TBC1D14: variants seen among roughly 807,000 people sequenced by gnomAD.
The protein encoded by TBC1D14 is TBC1 domain family member 14, also known as TBC1 domain family, member 14.
Under a neutral mutation model 79.0 loss-of-function variants are expected in TBC1D14, and 26 were observed. The ratio of observed to expected loss-of-function variants is 0.33; its 90% CI spans 0.24 to 0.46. The LOEUF is 0.46. Ranked by LOEUF, TBC1D14 falls within the 20% of genes least tolerant of loss-of-function variation. The probability of loss-of-function intolerance (pLI) is 1.00; values close to 1 mark genes in which losing one functional copy is unlikely to be tolerated. For synonymous variants in TBC1D14, 394 were observed against 349.9 expected, an observed-to-expected ratio of 1.13 and a Z score of -1.40; for missense variants, 769 against 887.6, an observed-to-expected ratio of 0.87 and a Z score of 1.70.
chr4:6,980,264 C>G (rs1189130986), intron 3 of TBC1D14, among the ~76,000 whole-genome samples: 1 of 152,310 alleles, frequency 6.6e-6, no homozygotes, highest in East Asian at 1.9e-4. Flanking sequence ...CCTCCCCAAA[C>G]TTGCACATTA....
chr4:6,950,856 C>T (rs1439532161), intron 2 of TBC1D14, among the ~76,000 whole-genome samples: 5 of 152,136 alleles, frequency 3.3e-5, no homozygotes, highest in Non-Finnish European at 1.5e-5. Context: ...AGGGTATGGG[C>T]TGTAATTTTC....
At position 6,960,070 on chromosome 4, in the gene TBC1D14, A is replaced by G. The variant is rs372408431; in HGVS notation, c.723-7234A>G. 1.4e-4 allele frequency among the ~76,000 whole-genome samples: 20 copies of G among 142,070 alleles called. No individual in the cohort carries two copies. In the East Asian group the frequency reaches 2.1e-3, roughly 15 times the overall value. 93.2% of individuals were successfully genotyped at this position (142,070 alleles called of 152,430 possible). A position where few individuals can be genotyped will look rare whatever the true frequency, so the allele number is the denominator to read the frequency against. Reference sequence around the variant, plus strand: ...TATATGGGTGAAAAGTTGGCTTTCTACCCTGTGCCCCTTTTTTTTTTTTTT... The same window carrying G: ...TATATGGGTGAAAAGTTGGCTTTCTGCCCTGTGCCCCTTTTTTTTTTTTTT... On this transcript the variant is annotated intron_variant, in intron 2 of 13. Transcript: ENST00000409757.
rs186523645 is a variant in TBC1D14 at position 6,927,121 on chromosome 4, G to C, written c.722+3010G>C. On this transcript the variant is annotated intron_variant, in intron 2 of 13. Transcript: ENST00000409757. ...AGCCTGACCACAGCCTCCCAGAAGC[G>C]CAGGCCCGGCTTGCATTTGTCCTTC... 2.1e-4 allele frequency among the ~76,000 whole-genome samples: 32 copies of C among 152,322 alleles called. No individual in the cohort carries two copies. In the East Asian group the frequency reaches 6.0e-3, roughly 28 times the overall value.
intron 8 of TBC1D14, among the ~76,000 whole-genome samples, chr4:7,005,778 G>T (rs1251763340): frequency 6.6e-6 from 1 of 152,126 alleles, no homozygotes; most frequent in Non-Finnish European, 1.5e-5. Flanking sequence ...GTCATAACCA[G>T]TGCCATTCCC....
At chr4:6,953,144 C>T (rs967145778) in intron 2 of TBC1D14, among the ~76,000 whole-genome samples, 7 of 150,002 alleles carry the variant, frequency 4.7e-5, no homozygotes, top group Non-Finnish European at 8.9e-5. Flanking sequence ...TTTGCCTCAG[C>T]CTCCCGAGTA....
At chr4:6,921,319 C>A (rs1222774562) in intron 1 of TBC1D14, among the ~76,000 whole-genome samples, 1 of 151,920 alleles carries the variant, frequency 6.6e-6, no homozygotes, top group Admixed American at 6.6e-5. Flanking sequence ...AGTGATCCTC[C>A]CACCTCAGCC....
At chr4:6,967,030 C>T (rs1476415519) in intron 2 of TBC1D14, among the ~76,000 whole-genome samples, 6 of 152,162 alleles carry the variant, frequency 3.9e-5, no homozygotes, top group Admixed American at 1.3e-4. Context: ...AGGATGGTCT[C>T]GATCTCCTGA....
intron 2 of TBC1D14, among the ~76,000 whole-genome samples, chr4:6,965,243 C>T (rs374653699): frequency 4.8e-4 from 73 of 152,118 alleles, no homozygotes; most frequent in Non-Finnish European, 7.1e-4. Context: ...CTACAACCTC[C>T]GCCTCCTGGG....
intron 2 of TBC1D14, among the ~76,000 whole-genome samples, chr4:6,949,975 T>C (rs1713875551): frequency 1.3e-5 from 2 of 152,318 alleles, no homozygotes; most frequent in South Asian, 4.1e-4. Context: ...ATACATGTGT[T>C]GTGGTTGTTT....
chr4:7,025,408 G>A (rs1272462998), intron 13 of TBC1D14, 146 bp downstream of exon 13: 18 of 1,347,082 alleles, frequency 1.3e-5, no homozygotes, highest in East Asian at 1.2e-4. Context: ...GGGTGGAGAC[G>A]TGGCTGTGCC....
At chr4:6,993,558 A>T (rs1718719553) in intron 3 of TBC1D14, among the ~76,000 whole-genome samples, 1 of 152,218 alleles carries the variant, frequency 6.6e-6, no homozygotes. Flanking sequence ...CAGAAGAGAG[A>T]AAACATGCCT....
intron 2 of TBC1D14, among the ~76,000 whole-genome samples, chr4:6,940,847 C>A (rs1307230480): frequency 6.6e-6 from 1 of 152,170 alleles, no homozygotes. Context: ...GTGCCTGTTA[C>A]AGCAGTCCAT....
intron 12 of TBC1D14, among the ~76,000 whole-genome samples, chr4:7,017,392 C>T (rs537122896): frequency 6.6e-6 from 1 of 152,122 alleles, no homozygotes; most frequent in Non-Finnish European, 1.5e-5. Flanking sequence ...AGCTGGAGTC[C>T]GGACTCAAGT....
intron 12 of TBC1D14, among the ~76,000 whole-genome samples, chr4:7,019,578 C>T (rs934102447): frequency 3.3e-5 from 5 of 152,056 alleles, no homozygotes; most frequent in Non-Finnish European, 5.9e-5. Flanking sequence ...GCCTGTGCAT[C>T]GTTGGCACAC....
At chr4:6,964,592 C>T (rs1051879634) in intron 2 of TBC1D14, among the ~76,000 whole-genome samples, 1 of 152,218 alleles carries the variant, frequency 6.6e-6, no homozygotes, top group African/African-American at 2.4e-5. Flanking sequence ...CGGATTGAAT[C>T]TCAGACAATT....
intron 12 of TBC1D14, among the ~76,000 whole-genome samples, chr4:7,018,922 C>G (rs932814568): frequency 6.6e-6 from 1 of 152,190 alleles, no homozygotes; most frequent in African/African-American, 2.4e-5. Flanking sequence ...CTTGAGCTAA[C>G]AAAAGAATCG....
chr4:6,987,037 G>GAC, intron 3 of TBC1D14: 1 of 200,408 alleles, frequency 5.0e-6, no homozygotes. Flanking sequence ...GCGCGTCCCC[G>GAC]GTGTTTACGG....
chr4:6,950,281 AG>A (rs1163457959), intron 2 of TBC1D14, among the ~76,000 whole-genome samples: 1 of 152,232 alleles, frequency 6.6e-6, no homozygotes, highest in Non-Finnish European at 1.5e-5. Flanking sequence ...TTTTGTGTAT[AG>A]GCCTTGCTAA....
intron 2 of TBC1D14, among the ~76,000 whole-genome samples, chr4:6,962,800 C>T (rs1030155545): frequency 1.1e-4 from 16 of 152,282 alleles, no homozygotes; most frequent in African/African-American, 3.6e-4. Flanking sequence ...TTCTCAGTCT[C>T]GGGCCTTGAT....
Sources: gnomAD v4.1 joint callset for allele counts (sites outside exome capture counted in the v4.1 genomes callset) on GRCh38, gnomAD v4.1.1 for gene constraint, MANE v1.5 for transcripts, NCBI Gene and HGNC (gene_info 2026-07-23, HGNC 2026-07-21) for gene names.